SESTD1: variants seen among roughly 807,000 people sequenced by gnomAD.
SESTD1 encodes the protein SEC14 domain and spectrin repeat-containing protein 1.
SESTD1 carries 43 observed loss-of-function variants against 101.7 expected under a neutral mutation model. That is an observed-to-expected ratio of 0.42 (90% CI 0.33 to 0.55). SESTD1 has a LOEUF of 0.55. Ranked by LOEUF, SESTD1 falls within the 20% of genes least tolerant of loss-of-function variation. The pLI is 0.07. For missense variants in SESTD1, 647 were observed against 815.1 expected (o/e 0.79, Z 2.51); for synonymous variants, 283 against 286.8 (o/e 0.99, Z 0.13).
intron 9 of SESTD1, among the ~76,000 whole-genome samples, chr2:179,133,313 T>C (rs1261937781): frequency 2.0e-5 from 3 of 152,168 alleles, no homozygotes; most frequent in South Asian, 2.1e-4. Context: ...TTCCATCATA[T>C]ATTAATAATT....
At chr2:179,123,303 C>T (rs544541812) in intron 12 of SESTD1, among the ~76,000 whole-genome samples, 2 of 152,204 alleles carry the variant, frequency 1.3e-5, no homozygotes. Flanking sequence ...AAAACCAAAC[C>T]AACTATTTTT....
At position 179,115,056 on chromosome 2, in the gene SESTD1, C is replaced by A; in HGVS notation, c.1839+9G>T. 6.2e-7 allele frequency: 1 copy of A among 1,601,822 alleles called. No individual in the cohort carries two copies. Among genetic ancestry groups the A allele is most frequent in the Non-Finnish European group, 8.5e-7 (1 of 1,176,350 alleles). On this transcript the variant is annotated intron_variant, in intron 16 of 17. Transcript: ENST00000428443. ...CACTGAGAATAACATTTCAAAAACA[C>A]AAGCAAACCTTTTCAGCATTTGAGT...
rs915585694 is a variant in SESTD1, at chr2:179,114,970, T to C, written c.1839+95A>G. On this transcript the variant is annotated intron_variant, in intron 16 of 17. Coordinates refer to ENST00000428443, the MANE Select transcript of SESTD1 (RefSeq NM_178123.5). ...CGGAACTAATATAAATATTGAAAAA[T>C]AGATTAGTCATATAGTTACATTACT... is the stretch of plus-strand genomic sequence containing the variant. The C allele has an allele frequency of 3.8e-5, 39 of 1,027,078 alleles. No individual in the cohort carries two copies. In the East Asian group the frequency reaches 4.3e-4, roughly 11 times the overall value. 63.6% of individuals were successfully genotyped at this position (1,027,078 alleles called of 1,614,324 possible). A position where few individuals can be genotyped will look rare whatever the true frequency, so the allele number is the denominator to read the frequency against.
At chr2:179,237,274 C>G (rs969263179) in intron 1 of SESTD1, among the ~76,000 whole-genome samples, 1 of 152,050 alleles carries the variant, frequency 6.6e-6, no homozygotes, top group East Asian at 1.9e-4. Flanking sequence ...ACCATACTTA[C>G]AGAAATTAGC....
chr2:179,201,051 A>G lies in SESTD1; in HGVS notation c.-25-9185T>C, dbSNP rs1304699350. ...GACAAAGGGCTAATATCCAGAATCTACAATGAACTCCAACAAATTTACAAG... is the reference window on the plus strand; with the variant it reads ...GACAAAGGGCTAATATCCAGAATCTGCAATGAACTCCAACAAATTTACAAG... On this transcript the variant is annotated intron_variant, in intron 1 of 17. Transcript: ENST00000428443. Among the ~76,000 whole-genome samples, 33 of 134,644 alleles carry G rather than the reference A, an allele frequency of 2.5e-4. 8 individuals carry two copies. Among genetic ancestry groups the G allele is most frequent in the Admixed American group, 2.4e-3 (33 of 13,892 alleles). 88.3% of individuals were successfully genotyped at this position (134,644 alleles called of 152,430 possible). A position where few individuals can be genotyped will look rare whatever the true frequency, so the allele number is the denominator to read the frequency against.
At chr2:179,168,572 C>T (rs1021231841) in intron 5 of SESTD1, among the ~76,000 whole-genome samples, 3 of 151,478 alleles carry the variant, frequency 2.0e-5, no homozygotes, top group African/African-American at 7.2e-5. Flanking sequence ...AATAGACATA[C>T]AGATTTTCTT....
At chr2:179,209,907 T>A (rs2046630125) in intron 1 of SESTD1, among the ~76,000 whole-genome samples, 2 of 128,734 alleles carry the variant, frequency 1.6e-5, no homozygotes, top group African/African-American at 3.1e-5. Context: ...AAAAGATAAA[T>A]GAAAAAAAAG....
At chr2:179,144,848 G>C (rs559647087) in intron 8 of SESTD1, among the ~76,000 whole-genome samples, 1 of 151,892 alleles carries the variant, frequency 6.6e-6, no homozygotes, top group Admixed American at 6.6e-5. Context: ...AATAGAAATT[G>C]TAAAAGCTTC....
At chr2:179,262,184 T>G (rs1214930505) in intron 1 of SESTD1, among the ~76,000 whole-genome samples, 1 of 152,080 alleles carries the variant, frequency 6.6e-6, no homozygotes, top group Non-Finnish European at 1.5e-5. Flanking sequence ...ATAAAGTAAA[T>G]TAGTGGTTGT....
chr2:179,194,536 A>G (rs1428583314), intron 1 of SESTD1, among the ~76,000 whole-genome samples: 1 of 152,086 alleles, frequency 6.6e-6, no homozygotes, highest in African/African-American at 2.4e-5. Flanking sequence ...CATGAGGAAA[A>G]ATCCCACATA....
At chr2:179,195,868 C>A (rs949201391) in intron 1 of SESTD1, among the ~76,000 whole-genome samples, 1 of 149,444 alleles carries the variant, frequency 6.7e-6, no homozygotes, top group Non-Finnish European at 1.5e-5. Context: ...AAAAAGACTT[C>A]GTATGAGAAA....
chr2:179,248,313 T>C (rs950603230), intron 1 of SESTD1, among the ~76,000 whole-genome samples: 2 of 151,692 alleles, frequency 1.3e-5, no homozygotes, highest in African/African-American at 2.4e-5. Context: ...AAAAAAGAAA[T>C]CTCCAAGCCC....
intron 1 of SESTD1, among the ~76,000 whole-genome samples, chr2:179,241,708 G>C (rs1042048334): frequency 2.0e-5 from 3 of 152,102 alleles, no homozygotes; most frequent in African/African-American, 4.8e-5. Flanking sequence ...AGATCACGAG[G>C]TCAGGAGATC....
At position 179,109,285 on chromosome 2, in the gene SESTD1, T is replaced by C. The variant is rs1559092864; in HGVS notation, c.*614A>G. On this transcript the variant is annotated 3_prime_UTR_variant, in exon 18 of 18. Coordinates refer to ENST00000428443, the MANE Select transcript of SESTD1 (RefSeq NM_178123.5). ...AAGGCACTCATGTTTGGAAATAGGA[T>C]GTAACTACTAAATTAAATAAGATGT... 6.5e-6 allele frequency: 1 copy of C among 154,480 alleles called. No homozygotes were observed. Among genetic ancestry groups the C allele is most frequent in the Non-Finnish European group, 1.4e-5 (1 of 69,322 alleles). The allele number at this position is 154,480 out of a possible 1,614,324, so 9.6% of individuals were successfully genotyped here.
intron 1 of SESTD1, among the ~76,000 whole-genome samples, chr2:179,221,193 T>TA (rs1053378246): frequency 3.9e-5 from 6 of 152,212 alleles, no homozygotes; most frequent in African/African-American, 7.2e-5. Context: ...TAAAAAAGGT[T>TA]AAAAAAGTTT....
intron 3 of SESTD1, among the ~76,000 whole-genome samples, chr2:179,182,108 A>G (rs1347651400): frequency 6.6e-6 from 1 of 152,172 alleles, no homozygotes; most frequent in Admixed American, 6.5e-5. Context: ...AAATGGAAAA[A>G]AGCTATTGTG....
At chr2:179,171,149 T>G (rs1442225324) in intron 5 of SESTD1, among the ~76,000 whole-genome samples, 1 of 152,202 alleles carries the variant, frequency 6.6e-6, no homozygotes, top group Admixed American at 6.5e-5. Flanking sequence ...TTCTTGATTG[T>G]GGTTTTATAT....
intron 2 of SESTD1, among the ~76,000 whole-genome samples, chr2:179,185,538 T>C (rs1384964768): frequency 7.3e-6 from 1 of 136,764 alleles, no homozygotes; most frequent in Non-Finnish European, 1.5e-5. Context: ...ATATATGTAA[T>C]ATATGATATG....
In SESTD1 at chr2:179,259,636, CT is replaced by C. The variant is rs1479933814; in HGVS notation, c.-26+4862del. ...ACATAGGACAGAACAAAACTTCTGACTTAGGGCTTAATGTTCTTTCCACCTC... is the reference window on the plus strand; with the variant it reads ...ACATAGGACAGAACAAAACTTCTGACTAGGGCTTAATGTTCTTTCCACCTC... On this transcript the variant is annotated intron_variant, in intron 1 of 17. Transcript: ENST00000428443. Among the ~76,000 whole-genome samples the C allele has an allele frequency of 6.6e-5, 10 of 152,182 alleles. No homozygotes were observed. In the South Asian group the frequency reaches 2.1e-3, roughly 32 times the overall value.
Sources: gnomAD v4.1 joint callset for allele counts (sites outside exome capture counted in the v4.1 genomes callset) on GRCh38, gnomAD v4.1.1 for gene constraint, MANE v1.5 for transcripts, NCBI Gene and HGNC (gene_info 2026-07-23, HGNC 2026-07-21) for gene names.